The following FAXC variants were observed in gnomAD, a reference collection of about 807,000 sequenced individuals.
FAXC encodes the protein failed axon connections homolog.
FAXC carries 10 observed loss-of-function variants against 41.9 expected under a neutral mutation model. The observed-to-expected ratio is 0.24, with a 90% CI of 0.15 to 0.41. The LOEUF is 0.41. FAXC is among the 10% of genes least tolerant of loss of function. The pLI is 1.00. For missense variants in FAXC, 399 were observed against 510.9 expected (o/e 0.78, Z 2.11); for synonymous variants, 183 against 183.8 (o/e 1.00, Z 0.03).
rs1029316146 is a variant in FAXC, at chr6:99,279,073, T to C, written c.*2091A>G. On this transcript the variant is annotated 3_prime_UTR_variant, in exon 6 of 6. Coordinates refer to ENST00000389677, the MANE Select transcript of FAXC (RefSeq NM_032511.4). ...GCAGTCCACCTGTTCATTATATTCATATTTTCAGTCCAGGAGTCTCCCTAG... is the reference window on the plus strand; with the variant it reads ...GCAGTCCACCTGTTCATTATATTCACATTTTCAGTCCAGGAGTCTCCCTAG... The C allele has an allele frequency of 5.3e-5, 8 of 152,198 alleles. No homozygotes were observed. The East Asian group carries it at 1.5e-3, about 29-fold the overall frequency. 9.4% of individuals were successfully genotyped at this position (152,198 alleles called of 1,614,324 possible). A position where few individuals can be genotyped will look rare whatever the true frequency, so the allele number is the denominator to read the frequency against.
In FAXC at chr6:99,275,724, A is replaced by T. The variant is rs1770580151; in HGVS notation, c.*5440T>A. 1 of 152,190 alleles carries T rather than the reference A, an allele frequency of 6.6e-6. No individual in the cohort carries two copies. Among genetic ancestry groups the T allele is most frequent in the Non-Finnish European group, 1.5e-5 (1 of 68,036 alleles). 9.4% of individuals were successfully genotyped at this position (152,190 alleles called of 1,614,324 possible). A position where few individuals can be genotyped will look rare whatever the true frequency, so the allele number is the denominator to read the frequency against. ...TTCCAGCAGTCTCATCTCAAAGATT[A>T]AGGAAACTTAAATATCCTTAAGATA... is the stretch of plus-strand genomic sequence containing the variant. On this transcript the variant is annotated 3_prime_UTR_variant, in exon 6 of 6. Coordinates refer to ENST00000389677, the MANE Select transcript of FAXC (RefSeq NM_032511.4).
At chr6:99,287,691 G>T (rs995850688) in intron 5 of FAXC, among the ~76,000 whole-genome samples, 2 of 152,212 alleles carry the variant, frequency 1.3e-5, no homozygotes, top group African/African-American at 2.4e-5. Flanking sequence ...TTACATGCCT[G>T]GGTTTCACCC....
At chr6:99,344,002 A>T (rs1773510222) in intron 1 of FAXC, among the ~76,000 whole-genome samples, 1 of 151,994 alleles carries the variant, frequency 6.6e-6, no homozygotes. Context: ...TTCAATAACC[A>T]CTACATAATG....
intron 5 of FAXC, among the ~76,000 whole-genome samples, chr6:99,281,776 T>C (rs190232732): frequency 4.6e-5 from 7 of 152,324 alleles, no homozygotes; most frequent in African/African-American, 1.7e-4. Context: ...GCCAGAGTCG[T>C]GATCCTGCAT....
In FAXC at chr6:99,323,503, G is replaced by A. The variant is rs142496191; in HGVS notation, c.764C>T (p.Ser255Phe). 12 of 1,614,226 alleles carry A rather than the reference G, an allele frequency of 7.4e-6. No individual in the cohort carries two copies. The highest frequency in any genetic ancestry group is 1.0e-5 in the Non-Finnish European group (12 of 1,180,038). ...EMHGHGIGRFSEEEIYMLMEK... is the reference protein window; with the variant it reads ...EMHGHGIGRFFEEEIYMLMEK... ...CATCAGCATGTAAATCTCTTCCTCGGAGAAGCGGCCAATGCCGTGGCCGTG... is the reference window on the plus strand; with the variant it reads ...CATCAGCATGTAAATCTCTTCCTCGAAGAAGCGGCCAATGCCGTGGCCGTG... Residue 255 changes from serine (S) to phenylalanine (F), a missense_variant, in exon 4 of 6, where the codon TCC becomes TTC. Coordinates refer to ENST00000389677, the MANE Select transcript of FAXC (RefSeq NM_032511.4).
intron 3 of FAXC, among the ~76,000 whole-genome samples, chr6:99,331,710 G>A (rs1773032441): frequency 6.6e-6 from 1 of 152,250 alleles, no homozygotes; most frequent in Non-Finnish European, 1.5e-5. Context: ...TCAATCAAAT[G>A]AGGTAGTGCC....
chr6:99,305,184 T>A (rs943576296), intron 4 of FAXC, among the ~76,000 whole-genome samples: 29 of 152,162 alleles, frequency 1.9e-4, no homozygotes, highest in African/African-American at 7.0e-4. Context: ...GAGCCTACAG[T>A]TCTAGTCTGC....
At chr6:99,328,868 T>C (rs560124546) in intron 3 of FAXC, among the ~76,000 whole-genome samples, 1 of 152,220 alleles carries the variant, frequency 6.6e-6, no homozygotes, top group Non-Finnish European at 1.5e-5. Flanking sequence ...ACTCATTCAT[T>C]AAGTTTGCAG....
chr6:99,320,801 T>C (rs112829727), intron 4 of FAXC, among the ~76,000 whole-genome samples: 11 of 152,336 alleles, frequency 7.2e-5, no homozygotes, highest in African/African-American at 2.6e-4. Context: ...AACTCTTTTC[T>C]TTCTTGGGCC....
Position 99,323,685 on chromosome 6 carries a change from C to CA in FAXC, c.600-19dup. The CA allele has an allele frequency of 6.3e-7, 1 of 1,592,290 alleles. No homozygotes were observed. The highest frequency in any genetic ancestry group is 8.6e-7 in the Non-Finnish European group (1 of 1,160,648). Reference sequence around the variant, plus strand: ...CTAATGTCCTGGAATTGTGTGGAAACAAGTTACTACTGTGCATCAGGTACA... The same window carrying CA: ...CTAATGTCCTGGAATTGTGTGGAAACAAAGTTACTACTGTGCATCAGGTACA... On this transcript the variant is annotated intron_variant, in intron 3 of 5. Coordinates refer to ENST00000389677, the MANE Select transcript of FAXC (RefSeq NM_032511.4).
chr6:99,309,030 C>G (rs1395793007), intron 4 of FAXC, among the ~76,000 whole-genome samples: 1 of 152,148 alleles, frequency 6.6e-6, no homozygotes, highest in African/African-American at 2.4e-5. Flanking sequence ...CCAGGCAAAT[C>G]AGCCCAGCAG....
intron 5 of FAXC, among the ~76,000 whole-genome samples, chr6:99,281,900 A>G (rs758223309): frequency 3.9e-5 from 6 of 152,246 alleles, no homozygotes; most frequent in Admixed American, 6.5e-5. Context: ...AGCGGCCCAA[A>G]CTATGACATC....
chr6:99,348,882 A>G (rs1436199002), intron 1 of FAXC, among the ~76,000 whole-genome samples: 1 of 152,198 alleles, frequency 6.6e-6, no homozygotes, highest in East Asian at 1.9e-4. Context: ...GCATTTTGGG[A>G]GACAAATGTT....
In FAXC at chr6:99,276,645, T is replaced by C. The variant is rs1045872009; in HGVS notation, c.*4519A>G. On this transcript the variant is annotated 3_prime_UTR_variant, in exon 6 of 6. Coordinates refer to ENST00000389677, the MANE Select transcript of FAXC (RefSeq NM_032511.4). ...TAATTTTTCTTCTCTCTGGCTGTGT[T>C]AAAAACAAGAACAAACACAATGATA... The C allele has an allele frequency of 2.0e-5, 3 of 152,198 alleles. No individual in the cohort carries two copies. The highest frequency in any genetic ancestry group is 7.2e-5 in the African/African-American group (3 of 41,458). 9.4% of individuals were successfully genotyped at this position (152,198 alleles called of 1,614,324 possible). A position where few individuals can be genotyped will look rare whatever the true frequency, so the allele number is the denominator to read the frequency against.
rs563312555 is a variant in FAXC at position 99,312,862 on chromosome 6, C to T, written c.823+10582G>A. Among the ~76,000 whole-genome samples the T allele has an allele frequency of 9.2e-5, 14 of 152,196 alleles. No individual in the cohort carries two copies. In the East Asian group the frequency reaches 2.7e-3, roughly 29 times the overall value. ...ACTACATACTAATTTTTACTCCTAC[C>T]ACAAGAATATGTCAATGCCTCTCCC... On this transcript the variant is annotated intron_variant, in intron 4 of 5. Transcript: ENST00000389677.
chr6:99,347,037 G>T (rs1003658552), intron 1 of FAXC, among the ~76,000 whole-genome samples: 4 of 152,108 alleles, frequency 2.6e-5, no homozygotes, highest in Non-Finnish European at 5.9e-5. Context: ...CAAGGAGGGA[G>T]GATTTCTTGA....
intron 2 of FAXC, among the ~76,000 whole-genome samples, chr6:99,335,422 C>T (rs1404891134): frequency 2.0e-5 from 3 of 152,346 alleles, no homozygotes; most frequent in Admixed American, 6.5e-5. Flanking sequence ...CTCACAGGCA[C>T]GTTCCAGCTC....
chr6:99,338,104 C>A (rs561062996), intron 2 of FAXC, among the ~76,000 whole-genome samples: 5 of 152,318 alleles, frequency 3.3e-5, no homozygotes, highest in Admixed American at 2.6e-4. Flanking sequence ...CGTTGCAACA[C>A]AGCATCCCTT....
chr6:99,321,733 C>T (rs1376468457), intron 4 of FAXC, among the ~76,000 whole-genome samples: 3 of 152,362 alleles, frequency 2.0e-5, no homozygotes, highest in Non-Finnish European at 1.5e-5. Context: ...GTCTAAATCG[C>T]TAAACGCGAG....
Sources: allele counts gnomAD v4.1 joint callset (sites outside exome capture counted in the v4.1 genomes callset), GRCh38; gene constraint gnomAD v4.1.1; transcripts MANE v1.5; gene names NCBI Gene and HGNC (gene_info 2026-07-23, HGNC 2026-07-21).